The following SYCP1 variants were observed in gnomAD, a reference collection of about 807,000 sequenced individuals.
SYCP1 encodes cancer/testis antigen 8.
A neutral mutation model predicts 153.1 loss-of-function variants in SYCP1; 64 were observed. That is an observed-to-expected ratio of 0.42 (90% CI 0.34 to 0.51). SYCP1 has a LOEUF of 0.51. Ranked by LOEUF, SYCP1 falls within the 20% of genes least tolerant of loss-of-function variation. SYCP1 has a pLI of 0.06. For missense variants in SYCP1, 997 were observed against 1,049.0 expected, an observed-to-expected ratio of 0.95 and a Z score of 0.68; for synonymous variants, 384 against 341.8, an observed-to-expected ratio of 1.12 and a Z score of -1.36.
rs753154099 is a variant in SYCP1 at position 114,855,491 on chromosome 1, G to A, written c.27G>A (p.Leu9=). MEKQKPFA[L]FVPPRSSSSQ... Reference sequence around the variant, plus strand: ...TGGAAAAGCAAAAGCCCTTTGCATTGTTCGTACCACCGAGATCAAGCAGCA... The same window carrying A: ...TGGAAAAGCAAAAGCCCTTTGCATTATTCGTACCACCGAGATCAAGCAGCA... The change falls in exon 2 of 32, where the codon TTG becomes TTA. Residue 9 remains leucine (L), a synonymous_variant. Transcript: ENST00000369522. 3.7e-6 allele frequency: 6 copies of A among 1,610,628 alleles called. No individual in the cohort carries two copies. The highest frequency in any genetic ancestry group is 1.3e-5 in the African/African-American group (1 of 74,202).
At chr1:114,894,503 G>A (rs913967785) in intron 15 of SYCP1, among the ~76,000 whole-genome samples, 3 of 152,092 alleles carry the variant, frequency 2.0e-5, no homozygotes, top group African/African-American at 4.8e-5. Flanking sequence ...TGAAAAATGC[G>A]GGAGGCTTGG....
At chr1:114,871,862 A>G (rs1665158989) in intron 8 of SYCP1, among the ~76,000 whole-genome samples, 1 of 152,254 alleles carries the variant, frequency 6.6e-6, no homozygotes, top group South Asian at 2.1e-4. Flanking sequence ...CTGGGATTAC[A>G]GGTGTGAGCC....
chr1:114,875,945 G>A, intron 9 of SYCP1, 124 bp from the exon 10 acceptor site: 1 of 584,060 alleles, frequency 1.7e-6, no homozygotes, highest in Non-Finnish European at 2.9e-6. Context: ...CAGTGTTTTA[G>A]TTATTCCAAA....
chr1:114,903,374 G>A (rs1287169892), intron 16 of SYCP1, among the ~76,000 whole-genome samples: 1 of 152,150 alleles, frequency 6.6e-6, no homozygotes, highest in African/African-American at 2.4e-5. Flanking sequence ...GTATGATGAG[G>A]CCTATGATAA....
chr1:114,993,995 A>AT (rs141666315), intron 30 of SYCP1, among the ~76,000 whole-genome samples: 6,042 of 148,122 alleles, frequency 0.041, 146 homozygotes, highest in Non-Finnish European at 0.043. Context: ...TTTTGTGACC[A>AT]TTTTTTTTTT....
intron 16 of SYCP1, among the ~76,000 whole-genome samples, chr1:114,909,483 T>C (rs1668036390): frequency 9.0e-6 from 1 of 111,076 alleles, no homozygotes; most frequent in Non-Finnish European, 1.9e-5. Context: ...TTTCCCTCTC[T>C]CTCCCTTGCT....
At chr1:114,914,156 G>A (rs1668363817) in intron 20 of SYCP1, 111 bp downstream of exon 20, 2 of 753,282 alleles carry the variant, frequency 2.7e-6, no homozygotes, top group Non-Finnish European at 4.0e-6. Flanking sequence ...ATTTTATAAA[G>A]TAAAAATTAG....
intron 30 of SYCP1, among the ~76,000 whole-genome samples, chr1:114,992,179 C>G (rs1249516333): frequency 6.6e-6 from 1 of 151,620 alleles, no homozygotes; most frequent in Non-Finnish European, 1.5e-5. Flanking sequence ...GAAAGACATC[C>G]TATGTTTATT....
chr1:114,937,001 A>G (rs1378341429), intron 23 of SYCP1, among the ~76,000 whole-genome samples: 1 of 152,198 alleles, frequency 6.6e-6, no homozygotes, highest in Non-Finnish European at 1.5e-5. Context: ...TGCCATCCCC[A>G]TCAAGCTACC....
chr1:114,943,367 A>T (rs1209810956), intron 23 of SYCP1, among the ~76,000 whole-genome samples: 1 of 151,932 alleles, frequency 6.6e-6, no homozygotes, highest in Non-Finnish European at 1.5e-5. Flanking sequence ...ACAATTGATT[A>T]CATAAACAGT....
chr1:114,986,468 G>T (rs1459202803), intron 30 of SYCP1, among the ~76,000 whole-genome samples: 2 of 151,934 alleles, frequency 1.3e-5, no homozygotes, highest in Admixed American at 1.3e-4. Flanking sequence ...GATTCAACAT[G>T]ATTCATTTCA....
intron 3 of SYCP1, 131 bp downstream of exon 3, chr1:114,856,788 A>T: frequency 1.5e-6 from 1 of 676,772 alleles, no homozygotes; most frequent in Non-Finnish European, 2.3e-6. Flanking sequence ...AATACTTAAT[A>T]TAAAAAATAA....
chr1:114,886,236 C>T lies in SYCP1; in HGVS notation c.1117C>T (p.His373Tyr), dbSNP rs751756212. ...MEESNKARAA[H>Y]SFVVTEFETT... ...AGAATCTAATAAAGCTAGAGCTGCT[C>T]ATTCGTTTGTGGTTACTGAATTTGA... The change falls in exon 14 of 32, where the codon CAT (histidine) becomes TAT (tyrosine). Residue 373 changes from histidine to tyrosine, a missense_variant. Physicochemically the swap from His to Tyr is moderately conservative, Grantham distance 83 (BLOSUM62 2). This residue lies in a region of SYCP1 where 712 missense variants were observed against 682.9 expected (regional missense o/e 1.04). Transcript: ENST00000369522. 1 of 1,610,048 alleles carries T rather than the reference C, an allele frequency of 6.2e-7. No homozygotes were observed. The highest frequency in any genetic ancestry group is 2.2e-5 in the East Asian group (1 of 44,686).
chr1:114,878,407 T>G (rs1228584672), intron 12 of SYCP1, among the ~76,000 whole-genome samples: 1 of 152,132 alleles, frequency 6.6e-6, no homozygotes, highest in African/African-American at 2.4e-5. Flanking sequence ...TTTTCCATGC[T>G]CTTACCTTTT....
chr1:114,905,325 C>T (rs909140363), intron 16 of SYCP1, among the ~76,000 whole-genome samples: 4 of 152,134 alleles, frequency 2.6e-5, no homozygotes, highest in Admixed American at 2.6e-4. Flanking sequence ...TAGGGACTTA[C>T]AAACAGAAGC....
At chr1:114,900,673 G>A (rs973949717) in intron 16 of SYCP1, among the ~76,000 whole-genome samples, 5 of 152,182 alleles carry the variant, frequency 3.3e-5, no homozygotes, top group African/African-American at 1.2e-4. Flanking sequence ...TGTCATAATA[G>A]TAACTTTTAG....
At chr1:114,915,868 A>G (rs1427419645) in intron 20 of SYCP1, among the ~76,000 whole-genome samples, 1 of 152,152 alleles carries the variant, frequency 6.6e-6, no homozygotes. Flanking sequence ...AGTGGTAGCC[A>G]AGGGTCTCTG....
At chr1:114,947,676 G>A (rs1402538971) in intron 27 of SYCP1, among the ~76,000 whole-genome samples, 1 of 151,264 alleles carries the variant, frequency 6.6e-6, no homozygotes, top group Non-Finnish European at 1.5e-5. Flanking sequence ...AGCCGGGTGC[G>A]GTGGCGGGCG....
At chr1:114,977,137 C>T (rs1012598330) in intron 27 of SYCP1, among the ~76,000 whole-genome samples, 3 of 151,826 alleles carry the variant, frequency 2.0e-5, no homozygotes, top group Admixed American at 6.6e-5. Flanking sequence ...TCTAACTGAA[C>T]TGCACCTTTT....
Sources: gnomAD v4.1 joint callset for allele counts (sites outside exome capture counted in the v4.1 genomes callset) on GRCh38, gnomAD v4.1.1 for gene constraint, gnomAD v4.1.1 regional missense constraint, MANE v1.5 for transcripts, NCBI Gene and HGNC (gene_info 2026-07-23, HGNC 2026-07-21) for gene names.